Variants in DGKI observed in about 807,000 individuals in gnomAD.
DGKI encodes the protein DAG kinase iota.
Under a neutral mutation model 147.5 loss-of-function variants are expected in DGKI, and 55 were observed. The observed-to-expected ratio is 0.37, with a 90% CI of 0.30 to 0.47. The LOEUF is 0.47. Among genes scored for constraint, DGKI ranks in the 20% least tolerant of loss-of-function variants. The pLI, the probability that DGKI is intolerant of heterozygous loss-of-function variation, is 1.00. For synonymous variants in DGKI, 469 were observed against 477.1 expected, an observed-to-expected ratio of 0.98 and a Z score of 0.22; for missense variants, 1,007 against 1,323.8, an observed-to-expected ratio of 0.76 and a Z score of 3.71.
rs1820277812 is a variant in DGKI at position 137,609,071 on chromosome 7, G to GAAGC, written c.1069-11_1069-8dup. Reference sequence around the variant, plus strand: ...GACGACCTTTGTTTTCCTGCTGAAAGAAGCAATCAGCACTGTTAGGATACA... The same window carrying GAAGC: ...GACGACCTTTGTTTTCCTGCTGAAAGAAGCAAGCAATCAGCACTGTTAGGATACA... On this transcript the variant is annotated splice_region_variant and splice_polypyrimidine_tract_variant and intron_variant, in intron 9 of 32. Coordinates refer to ENST00000614521, the MANE Select transcript of DGKI (RefSeq NM_001321708.2). The GAAGC allele has an allele frequency of 4.3e-6, 7 of 1,609,444 alleles. No individual in the cohort carries two copies. The East Asian group carries it at 1.6e-4, about 36-fold the overall frequency.
In DGKI at chr7:137,587,214, C is replaced by G. The variant is rs369268030; in HGVS notation, c.1312-4G>C. 2.4e-5 allele frequency: 39 copies of G among 1,606,598 alleles called. No homozygotes were observed. Among genetic ancestry groups the G allele is most frequent in the Non-Finnish European group, 3.2e-5 (38 of 1,177,406 alleles). ...GGATGGAAAGGATCCAGCCCACCTACAGGCGTATCGGGGGCCAGAAGAGAT... is the reference window on the plus strand; with the variant it reads ...GGATGGAAAGGATCCAGCCCACCTAGAGGCGTATCGGGGGCCAGAAGAGAT... On this transcript the variant is annotated splice_region_variant and splice_polypyrimidine_tract_variant and intron_variant, in intron 12 of 32. Transcript: ENST00000614521.
At chr7:137,436,623 T>G (rs921600453) in intron 28 of DGKI, among the ~76,000 whole-genome samples, 7 of 152,166 alleles carry the variant, frequency 4.6e-5, no homozygotes, top group African/African-American at 1.7e-4. Flanking sequence ...GTACAAAGCC[T>G]TCCAGAGATT....
chr7:137,538,114 T>G (rs936684351), intron 20 of DGKI, among the ~76,000 whole-genome samples: 6 of 152,196 alleles, frequency 3.9e-5, no homozygotes, highest in African/African-American at 1.4e-4. Context: ...CAAAAGATCT[T>G]CTAGTTTACT....
intron 23 of DGKI, among the ~76,000 whole-genome samples, chr7:137,480,578 C>T (rs1035340975): frequency 2.0e-5 from 3 of 149,892 alleles, no homozygotes; most frequent in Non-Finnish European, 2.9e-5. Flanking sequence ...ATGTAGACTC[C>T]GATCTGACCA....
intron 22 of DGKI, among the ~76,000 whole-genome samples, chr7:137,486,661 A>T (rs1043745658): frequency 1.3e-5 from 2 of 152,168 alleles, no homozygotes; most frequent in Non-Finnish European, 2.9e-5. Flanking sequence ...AATTTTTCAC[A>T]TCACTATGTG....
At chr7:137,676,792 G>C (rs746967192) in intron 3 of DGKI, among the ~76,000 whole-genome samples, 1 of 152,094 alleles carries the variant, frequency 6.6e-6, no homozygotes, top group Non-Finnish European at 1.5e-5. Context: ...ATCATTCAGT[G>C]GATAGCAATG....
At chr7:137,514,629 A>G (rs530211410) in intron 21 of DGKI, among the ~76,000 whole-genome samples, 18 of 152,070 alleles carry the variant, frequency 1.2e-4, no homozygotes, top group African/African-American at 3.9e-4. Flanking sequence ...CCCTACCTCT[A>G]TTTACCAAGT....
In DGKI at chr7:137,571,242, T is replaced by C. The variant is rs759471692; in HGVS notation, c.1880A>G (p.His627Arg). The change falls in exon 19 of 33, where the codon CAT becomes CGT. Residue 627 changes from histidine (H) to arginine (R), a missense_variant. Physicochemically the swap from His to Arg is conservative, Grantham distance 29. This residue lies in a region of DGKI where 224 missense variants were observed against 382.7 expected (regional missense o/e 0.59). Transcript: ENST00000614521. ...TMPWGNPGDH[H>R]DFEPQRHDDG... The stretch of plus-strand genomic sequence containing the variant: ...ATCATGACGCTGAGGTTCGAAATCA[T>C]GGTGATCACCTGGGTTTCCCCAGGG... 5 of 1,613,288 alleles carry C rather than the reference T, an allele frequency of 3.1e-6. No homozygotes were observed. Among genetic ancestry groups the C allele is most frequent in the Non-Finnish European group, 4.2e-6 (5 of 1,179,880 alleles).
intron 28 of DGKI, among the ~76,000 whole-genome samples, chr7:137,424,739 T>G (rs534963538): frequency 4.3e-4 from 65 of 152,266 alleles, no homozygotes; most frequent in African/African-American, 7.2e-4. Flanking sequence ...AGATTATATC[T>G]CGCACCTGGA....
rs60719355 is a variant in DGKI, at chr7:137,569,728, C to CAAAAAAAAAAAAAAA, written c.1947+1432_1947+1446dup. On this transcript the variant is annotated intron_variant, in intron 19 of 32. Transcript: ENST00000614521. Reference sequence around the variant, plus strand: ...TGGGCAACAGAGTGAGACTCTGTCTCAAAAAAAAAAAAAAAAAAAAAAAAA... The same window carrying CAAAAAAAAAAAAAAA: ...TGGGCAACAGAGTGAGACTCTGTCTCAAAAAAAAAAAAAAAAAAAAAAAAAAAAAAAAAAAAAAAA... 3.1e-4 allele frequency among the ~76,000 whole-genome samples: 20 copies of CAAAAAAAAAAAAAAA among 64,612 alleles called. 3 individuals carry two copies. The highest frequency in any genetic ancestry group is 1.0e-3 in the South Asian group (2 of 1,936). 42.4% of individuals were successfully genotyped at this position (64,612 alleles called of 152,430 possible).
chr7:137,842,936 T>C (rs1408720771), intron 1 of DGKI, among the ~76,000 whole-genome samples: 4 of 152,152 alleles, frequency 2.6e-5, no homozygotes. Flanking sequence ...CATACACATA[T>C]GCACACATGG....
At chr7:137,492,884 C>T (rs547157231) in intron 21 of DGKI, among the ~76,000 whole-genome samples, 31 of 152,290 alleles carry the variant, frequency 2.0e-4, no homozygotes, top group South Asian at 6.2e-4. Flanking sequence ...ATAGCTCCTG[C>T]GCTGGCTGAC....
intron 27 of DGKI, among the ~76,000 whole-genome samples, chr7:137,459,927 A>G (rs1178452384): frequency 6.6e-6 from 1 of 152,002 alleles, no homozygotes; most frequent in Non-Finnish European, 1.5e-5. Flanking sequence ...TTTGCACACA[A>G]TCATTTTTCC....
intron 19 of DGKI, among the ~76,000 whole-genome samples, chr7:137,565,298 T>TA (rs980684146): frequency 2.0e-5 from 3 of 152,146 alleles, no homozygotes; most frequent in Non-Finnish European, 4.4e-5. Flanking sequence ...CATGTATTTT[T>TA]AAAAATGTAA....
intron 1 of DGKI, among the ~76,000 whole-genome samples, chr7:137,831,270 T>C (rs1226824541): frequency 6.6e-6 from 1 of 152,232 alleles, no homozygotes; most frequent in Non-Finnish European, 1.5e-5. Flanking sequence ...ATCGGGAAGA[T>C]GTTGGATAGT....
At chr7:137,759,974 G>A (rs890570337) in intron 1 of DGKI, among the ~76,000 whole-genome samples, 8 of 152,130 alleles carry the variant, frequency 5.3e-5, no homozygotes, top group African/African-American at 1.7e-4. Flanking sequence ...CTACCATAGC[G>A]TGAGTGAGAA....
At chr7:137,779,755 T>C (rs1188121080) in intron 1 of DGKI, among the ~76,000 whole-genome samples, 1 of 152,212 alleles carries the variant, frequency 6.6e-6, no homozygotes, top group African/African-American at 2.4e-5. Flanking sequence ...ATAAAGTCTA[T>C]AAATTCGTCA....
chr7:137,766,436 C>T (rs1223620161), intron 1 of DGKI, among the ~76,000 whole-genome samples: 1 of 152,138 alleles, frequency 6.6e-6, no homozygotes, highest in Non-Finnish European at 1.5e-5. Flanking sequence ...TAAATGTTAA[C>T]AGTCTTCTGG....
intron 1 of DGKI, among the ~76,000 whole-genome samples, chr7:137,730,341 G>A (rs1038704541): frequency 1.3e-5 from 2 of 152,098 alleles, no homozygotes; most frequent in African/African-American, 4.8e-5. Context: ...TCTGAACACA[G>A]CCGACTTGGT....
Sources: allele counts gnomAD v4.1 joint callset (sites outside exome capture counted in the v4.1 genomes callset), GRCh38; gene constraint gnomAD v4.1.1; regional missense constraint gnomAD v4.1.1; transcripts MANE v1.5; gene names NCBI Gene and HGNC (gene_info 2026-07-23, HGNC 2026-07-21).